Variants in MEIKIN observed in about 807,000 individuals in gnomAD.
The protein encoded by MEIKIN is meiotic kinetochore factor, also known as meiosis-specific kinetochore protein.
chr5:131,936,602 T>TC (rs1356193955), intron 4 of MEIKIN, among the ~76,000 whole-genome samples: 42 of 152,328 alleles, frequency 2.8e-4, no homozygotes, highest in African/African-American at 1.0e-3. Context: ...AACTTTTTTT[T>TC]CTTTCTTTTT....
At chr5:131,864,422 G>T (rs1392568660) in intron 9 of MEIKIN, among the ~76,000 whole-genome samples, 2 of 152,110 alleles carry the variant, frequency 1.3e-5, no homozygotes, top group Admixed American at 6.5e-5. Context: ...TAGTAGTAAT[G>T]AATTTTCTCG....
chr5:131,842,816 A>G (rs746467594), intron 11 of MEIKIN, among the ~76,000 whole-genome samples: 2 of 152,166 alleles, frequency 1.3e-5, no homozygotes, highest in Non-Finnish European at 2.9e-5. Context: ...GCTTTACAAC[A>G]TCTTTTTATT....
chr5:131,827,883 A>G (rs1392584798), intron 11 of MEIKIN, among the ~76,000 whole-genome samples: 1 of 152,114 alleles, frequency 6.6e-6, no homozygotes, highest in African/African-American at 2.4e-5. Flanking sequence ...GCAACTATCA[A>G]TAAATTCCAA....
chr5:131,845,603 C>T (rs1300543045), intron 11 of MEIKIN, among the ~76,000 whole-genome samples: 2 of 65,948 alleles, frequency 3.0e-5, no homozygotes, highest in Non-Finnish European at 6.7e-5. Flanking sequence ...CAGAAAACCT[C>T]AAAAGAAGCA....
intron 8 of MEIKIN, among the ~76,000 whole-genome samples, chr5:131,890,968 T>C (rs1307026780): frequency 6.6e-6 from 1 of 152,224 alleles, no homozygotes; most frequent in African/African-American, 2.4e-5. Context: ...CTTCATTTCG[T>C]TATGTACCCA....
chr5:131,905,570 T>C (rs77333015), intron 8 of MEIKIN, among the ~76,000 whole-genome samples: 1,971 of 152,046 alleles, frequency 0.013, 23 homozygotes, highest in South Asian at 0.068. Flanking sequence ...AAGAGCCAAA[T>C]AAACACAATT....
chr5:131,868,540 GA>G (rs1750429851), intron 9 of MEIKIN, among the ~76,000 whole-genome samples: 1 of 151,918 alleles, frequency 6.6e-6, no homozygotes, highest in Non-Finnish European at 1.5e-5. Context: ...TCTTATTCTT[GA>G]GGGTTTTTGT....
intron 5 of MEIKIN, among the ~76,000 whole-genome samples, chr5:131,932,317 A>G (rs909716261): frequency 2.0e-5 from 3 of 152,162 alleles, no homozygotes; most frequent in Non-Finnish European, 4.4e-5. Flanking sequence ...TTTTGTTTCC[A>G]TGTCTATTAG....
In MEIKIN at chr5:131,807,034, A is replaced by T. The variant is rs934645015; in HGVS notation, c.*202T>A. 2.7e-6 allele frequency: 1 copy of T among 373,574 alleles called. No homozygotes were observed. Among genetic ancestry groups the T allele is most frequent in the African/African-American group, 2.1e-5 (1 of 48,128 alleles). 23.1% of individuals were successfully genotyped at this position (373,574 alleles called of 1,614,324 possible). On this transcript the variant is annotated 3_prime_UTR_variant, in exon 13 of 13. Transcript: ENST00000442687. ...ATATAAATACATATATTTAAGAAGC[A>T]TATGGAATAATTTTTTTTCTTAACT...
In MEIKIN at chr5:131,871,702, C is replaced by A. The variant is rs558297684; in HGVS notation, c.774+7276G>T. ...TCTGAGAATGGGTAGACTGCCTCCT[C>A]AAGTGGGTCCCTGACCTCCGAGTAG... On this transcript the variant is annotated intron_variant, in intron 9 of 12. Transcript: ENST00000442687. Among the ~76,000 whole-genome samples the A allele has an allele frequency of 2.0e-5, 3 of 152,328 alleles. No individual in the cohort carries two copies. In the East Asian group the frequency reaches 5.8e-4, roughly 29 times the overall value.
chr5:131,929,742 T>C (rs538014566), intron 5 of MEIKIN, among the ~76,000 whole-genome samples: 11 of 152,334 alleles, frequency 7.2e-5, no homozygotes, highest in African/African-American at 2.6e-4. Context: ...TGTGTCCATG[T>C]GTACTCAATG....
At chr5:131,882,653 T>A (rs1299998413) in intron 8 of MEIKIN, among the ~76,000 whole-genome samples, 1 of 152,204 alleles carries the variant, frequency 6.6e-6, no homozygotes, top group African/African-American at 2.4e-5. Context: ...TAAGATGTAT[T>A]TCTCAGTACA....
At position 131,876,441 on chromosome 5, in the gene MEIKIN, A is replaced by G. The variant is rs368198373; in HGVS notation, c.774+2537T>C. Among the ~76,000 whole-genome samples the G allele has an allele frequency of 1.1e-4, 16 of 150,158 alleles. No homozygotes were observed. In the East Asian group the frequency reaches 1.3e-3, roughly 13 times the overall value. On this transcript the variant is annotated intron_variant, in intron 9 of 12. Coordinates refer to ENST00000442687, the MANE Select transcript of MEIKIN (RefSeq NM_001303622.2). ...CAGAGAAATGCAAATCAAAACCACA[A>G]TGAGATACCATCTCACACCAGTTAG...
At chr5:131,945,339 C>T in intron 1 of MEIKIN, 61 bp downstream of exon 1, 1 of 399,028 alleles carries the variant, frequency 2.5e-6, no homozygotes, top group East Asian at 3.6e-5. Context: ...CCCGCCCGCC[C>T]TCGGTCCCGT....
At chr5:131,907,603 G>A (rs1751262251) in intron 8 of MEIKIN, among the ~76,000 whole-genome samples, 1 of 151,254 alleles carries the variant, frequency 6.6e-6, no homozygotes, top group African/African-American at 2.4e-5. Context: ...AGCCGGGCAG[G>A]TGGCTCACGC....
chr5:131,891,437 T>G (rs199930959), intron 8 of MEIKIN, among the ~76,000 whole-genome samples: 1 of 152,140 alleles, frequency 6.6e-6, no homozygotes, highest in Non-Finnish European at 1.5e-5. Context: ...ATAGTTAGCT[T>G]TTCTTGTTGA....
intron 4 of MEIKIN, among the ~76,000 whole-genome samples, chr5:131,938,165 CT>C (rs3043872): frequency 0.025 from 3,165 of 126,556 alleles, 30 homozygotes; most frequent in African/African-American, 0.057. Context: ...CCCTCACCCC[CT>C]TTTTTTTTTT....
intron 8 of MEIKIN, among the ~76,000 whole-genome samples, chr5:131,890,191 G>T (rs1750883941): frequency 6.6e-6 from 1 of 152,150 alleles, no homozygotes; most frequent in Non-Finnish European, 1.5e-5. Flanking sequence ...CCAGGCTTTG[G>T]TATCAGGATG....
At chr5:131,898,079 G>A (rs1751084823) in intron 8 of MEIKIN, among the ~76,000 whole-genome samples, 1 of 152,152 alleles carries the variant, frequency 6.6e-6, no homozygotes. Flanking sequence ...CCCTACAGAT[G>A]GGGTTTTGGT....
Sources: gnomAD v4.1 joint callset for allele counts (sites outside exome capture counted in the v4.1 genomes callset) on GRCh38, gnomAD v4.1.1 for gene constraint, MANE v1.5 for transcripts, NCBI Gene and HGNC (gene_info 2026-07-23, HGNC 2026-07-21) for gene names.